The following ACSF2 variants were observed in gnomAD, a reference collection of about 807,000 sequenced individuals.
ACSF2 encodes medium-chain acyl-CoA ligase ACSF2, mitochondrial.
In ACSF2, 52 loss-of-function variants were observed where a neutral mutation model predicts 79.3. The observed-to-expected ratio is 0.66, with a 90% confidence interval of 0.53 to 0.83. ACSF2 has a LOEUF of 0.83. Among genes scored for constraint, ACSF2 ranks in the 40% least tolerant of loss-of-function variants. The pLI is 0.00. For synonymous variants in ACSF2, 283 were observed against 312.6 expected, an observed-to-expected ratio of 0.91 and a Z score of 1.00; for missense variants, 661 against 803.3, an observed-to-expected ratio of 0.82 and a Z score of 2.14.
intron 1 of ACSF2, among the ~76,000 whole-genome samples, chr17:50,436,023 A>AT (rs969484810): frequency 1.3e-4 from 19 of 150,992 alleles, no homozygotes; most frequent in East Asian, 9.7e-4. Flanking sequence ...AGATTTTATA[A>AT]TTTTTTTTTA....
chr17:50,464,773 G>GT, intron 10 of ACSF2: 2 of 333,604 alleles, frequency 6.0e-6, no homozygotes, highest in South Asian at 2.2e-5. Flanking sequence ...TTGACTTGGG[G>GT]GGGGGGTCTC....
At chr17:50,430,590 G>C (rs62062122) in intron 1 of ACSF2, among the ~76,000 whole-genome samples, 1 of 152,054 alleles carries the variant, frequency 6.6e-6, no homozygotes, top group East Asian at 1.9e-4. Flanking sequence ...GCTTAAACCC[G>C]GGAGGAGAAG....
intron 1 of ACSF2, among the ~76,000 whole-genome samples, chr17:50,456,897 CAAAA>C (rs2032045620): frequency 1.3e-5 from 2 of 151,666 alleles, no homozygotes; most frequent in African/African-American, 2.4e-5. Context: ...CCATCTCTAC[CAAAA>C]AATAAAAATA....
At chr17:50,441,175 G>C (rs955849418) in intron 1 of ACSF2, among the ~76,000 whole-genome samples, 3 of 152,220 alleles carry the variant, frequency 2.0e-5, no homozygotes, top group African/African-American at 7.2e-5. Context: ...TCCTTAAAAA[G>C]AAATGATCTG....
At chr17:50,431,144 T>C (rs1257735630) in intron 1 of ACSF2, among the ~76,000 whole-genome samples, 2 of 152,208 alleles carry the variant, frequency 1.3e-5, no homozygotes, top group African/African-American at 4.8e-5. Context: ...GATCCTCCAG[T>C]CTAAATGTAA....
chr17:50,435,675 G>C (rs1007185970), intron 1 of ACSF2, among the ~76,000 whole-genome samples: 1 of 151,714 alleles, frequency 6.6e-6, no homozygotes, highest in African/African-American at 2.4e-5. Flanking sequence ...GCCTCCCAAA[G>C]TGCTAAGATT....
At chr17:50,458,130 G>A (rs931189187) in intron 1 of ACSF2, among the ~76,000 whole-genome samples, 3 of 152,164 alleles carry the variant, frequency 2.0e-5, no homozygotes, top group Non-Finnish European at 4.4e-5. Flanking sequence ...TGTCCCTGGA[G>A]GGACAAGGGA....
intron 1 of ACSF2, among the ~76,000 whole-genome samples, chr17:50,442,077 G>T (rs1454862661): frequency 6.6e-6 from 1 of 152,110 alleles, no homozygotes; most frequent in Admixed American, 6.5e-5. Context: ...GGCCCAGATG[G>T]GTGGATCACC....
chr17:50,440,612 A>T (rs2030822693), intron 1 of ACSF2, among the ~76,000 whole-genome samples: 1 of 152,200 alleles, frequency 6.6e-6, no homozygotes, highest in Non-Finnish European at 1.5e-5. Context: ...CTTTGTGCCC[A>T]GTGACCTCTA....
At chr17:50,470,948 C>T in intron 10 of ACSF2, 80 bp from the exon 11 acceptor site, 2 of 1,049,652 alleles carry the variant, frequency 1.9e-6, no homozygotes, top group South Asian at 2.6e-5. Flanking sequence ...TTATGAATTC[C>T]TTCCCATTTC....
chr17:50,448,647 A>G (rs766814742), intron 1 of ACSF2, among the ~76,000 whole-genome samples: 10 of 152,258 alleles, frequency 6.6e-5, no homozygotes, highest in Non-Finnish European at 1.3e-4. Context: ...TTTTAAAGGT[A>G]AAATGAGGGT....
chr17:50,440,703 C>T (rs948533317), intron 1 of ACSF2, among the ~76,000 whole-genome samples: 2 of 152,234 alleles, frequency 1.3e-5, no homozygotes, highest in Non-Finnish European at 2.9e-5. Context: ...CCAGCTGGCT[C>T]GTGTTTTCTG....
intron 1 of ACSF2, among the ~76,000 whole-genome samples, chr17:50,433,927 C>G (rs972462356): frequency 6.6e-6 from 1 of 152,000 alleles, no homozygotes; most frequent in Non-Finnish European, 1.5e-5. Flanking sequence ...ACTGGCCCTT[C>G]TATGTCTTCT....
chr17:50,462,373 T>G, intron 5 of ACSF2, 47 bp from the exon 6 acceptor site: 26 of 1,049,618 alleles, frequency 2.5e-5, no homozygotes, highest in Non-Finnish European at 3.0e-5. Context: ...CTACCCACCC[T>G]GCCCCCTCCC....
intron 1 of ACSF2, chr17:50,460,190 T>G (rs1156328401): frequency 2.2e-6 from 1 of 456,292 alleles, no homozygotes; most frequent in African/African-American, 2.0e-5. Context: ...CTATTCTGTC[T>G]TTGGCTTTCA....
At chr17:50,433,490 T>G (rs560619466) in intron 1 of ACSF2, among the ~76,000 whole-genome samples, 1 of 152,164 alleles carries the variant, frequency 6.6e-6, no homozygotes, top group East Asian at 1.9e-4. Flanking sequence ...AAAACTAATA[T>G]CTAGCCTTGT....
intron 2 of ACSF2, 183 bp from the exon 3 acceptor site, chr17:50,461,059 C>A: frequency 8.9e-7 from 1 of 1,129,182 alleles, no homozygotes; most frequent in Non-Finnish European, 1.2e-6. Flanking sequence ...CCTGTATCAG[C>A]AGCTCCTGGG....
chr17:50,447,758 G>C (rs558024472), intron 1 of ACSF2, among the ~76,000 whole-genome samples: 8 of 152,316 alleles, frequency 5.3e-5, no homozygotes, highest in African/African-American at 1.9e-4. Context: ...AATTATTAAA[G>C]TCTAATTGCT....
intron 1 of ACSF2, among the ~76,000 whole-genome samples, chr17:50,427,808 A>T (rs1757823894): frequency 6.6e-6 from 1 of 152,150 alleles, no homozygotes; most frequent in Admixed American, 6.5e-5. Context: ...TCTATAAACA[A>T]AACAGGTCAC....
Sources: gnomAD v4.1 joint callset for allele counts (sites outside exome capture counted in the v4.1 genomes callset) on GRCh38, gnomAD v4.1.1 for gene constraint, MANE v1.5 for transcripts, NCBI Gene and HGNC (gene_info 2026-07-23, HGNC 2026-07-21) for gene names.